The following ROBO2 variants were observed in gnomAD, a reference collection of about 807,000 sequenced individuals.
ROBO2 encodes the protein roundabout homolog 2.
Under a neutral mutation model 160.8 loss-of-function variants are expected in ROBO2, and 53 were observed. The observed-to-expected ratio is 0.33, with a 90% CI of 0.26 to 0.41. The LOEUF (loss-of-function observed/expected upper bound fraction) is 0.41. Among genes scored for constraint, ROBO2 ranks in the 10% least tolerant of loss-of-function variants. The pLI, the probability that ROBO2 is intolerant of heterozygous loss-of-function variation, is 1.00. For missense variants in ROBO2, 1,577 were observed against 1,722.4 expected (o/e 0.92, Z 1.49); for synonymous variants, 664 against 611.7 (o/e 1.09, Z -1.26).
intron 2 of ROBO2, among the ~76,000 whole-genome samples, chr3:76,124,397 T>G (rs2108304004): frequency 6.6e-6 from 1 of 152,204 alleles, no homozygotes; most frequent in African/African-American, 2.4e-5. Flanking sequence ...TAAAGTTTCC[T>G]TTTAGGAACA....
At chr3:76,893,331 C>A (rs1559663318) in intron 2 of ROBO2, among the ~76,000 whole-genome samples, 1 of 151,848 alleles carries the variant, frequency 6.6e-6, no homozygotes, top group Admixed American at 6.6e-5. Context: ...CACACACACG[C>A]ACTACACTGT....
intron 2 of ROBO2, among the ~76,000 whole-genome samples, chr3:76,469,685 T>A (rs2078550403): frequency 6.6e-6 from 1 of 152,134 alleles, no homozygotes; most frequent in South Asian, 2.1e-4. Flanking sequence ...TTCAGTTAAC[T>A]ACTCATCACC....
intron 2 of ROBO2, among the ~76,000 whole-genome samples, chr3:76,764,204 A>G (rs115133879): frequency 0.011 from 1,666 of 151,776 alleles, 29 homozygotes; most frequent in African/African-American, 0.037. Context: ...ATGTAAATGC[A>G]AATACTGAAC....
chr3:76,263,245 T>G lies in ROBO2; in HGVS notation c.109+325643T>G, dbSNP rs184861623. On this transcript the variant is annotated intron_variant, in intron 2 of 26. Transcript: ENST00000487694. ...ATCATGGTACAATAGTCCTTTTTTTTGGGGAAGGGTCTTGCTCTGTCACTC... is the reference window on the plus strand; with the variant it reads ...ATCATGGTACAATAGTCCTTTTTTTGGGGGAAGGGTCTTGCTCTGTCACTC... Among the ~76,000 whole-genome samples, 728 of 152,174 alleles carry G rather than the reference T, an allele frequency of 4.8e-3. 2 individuals carry two copies. The highest frequency in any genetic ancestry group is 0.014 in the Middle Eastern group (4 of 294).
chr3:77,395,629 A>T (rs953795130), intron 2 of ROBO2, among the ~76,000 whole-genome samples: 2 of 152,164 alleles, frequency 1.3e-5, no homozygotes, highest in Non-Finnish European at 2.9e-5. Flanking sequence ...TAGACTCTTC[A>T]TATAAAATTG....
intron 1 of ROBO2, among the ~76,000 whole-genome samples, chr3:77,059,929 A>ACCAGGGGGGT (rs1559924356): frequency 1.3e-5 from 2 of 152,020 alleles, no homozygotes; most frequent in African/African-American, 4.8e-5. Context: ...TTCAGAGTAT[A>ACCAGGGGGGT]TACTACACCA....
At chr3:77,381,502 A>G (rs976762057) in intron 2 of ROBO2, among the ~76,000 whole-genome samples, 3 of 152,222 alleles carry the variant, frequency 2.0e-5, no homozygotes, top group Non-Finnish European at 2.9e-5. Context: ...GAAAATGTGC[A>G]TGAAGGACCT....
At chr3:76,965,354 TC>T (rs2149255724) in intron 2 of ROBO2, among the ~76,000 whole-genome samples, 1 of 152,320 alleles carries the variant, frequency 6.6e-6, no homozygotes, top group South Asian at 2.1e-4. Context: ...AAAGCTACAC[TC>T]AGGAAATTGG....
intron 2 of ROBO2, among the ~76,000 whole-genome samples, chr3:76,212,606 T>C (rs1703216204): frequency 3.3e-5 from 5 of 152,164 alleles, no homozygotes; most frequent in Admixed American, 3.3e-4. Context: ...GTGTCATTTA[T>C]TATGCAATAA....
At chr3:77,272,093 G>A (rs755207773) in intron 2 of ROBO2, among the ~76,000 whole-genome samples, 7 of 152,194 alleles carry the variant, frequency 4.6e-5, no homozygotes, top group South Asian at 2.1e-4. Context: ...TTCTTTCCCC[G>A]TCAACCTTCT....
chr3:77,365,294 G>A (rs186915479), intron 2 of ROBO2, among the ~76,000 whole-genome samples: 1 of 152,232 alleles, frequency 6.6e-6, no homozygotes, highest in African/African-American at 2.4e-5. Flanking sequence ...CACTGAAGGA[G>A]GGTTTATGGC....
intron 2 of ROBO2, among the ~76,000 whole-genome samples, chr3:76,949,415 A>G (rs1238349558): frequency 6.6e-6 from 1 of 152,190 alleles, no homozygotes; most frequent in Non-Finnish European, 1.5e-5. Context: ...AAGCAGGAAA[A>G]GTAAATTTGA....
intron 2 of ROBO2, among the ~76,000 whole-genome samples, chr3:76,413,170 A>AGCACAGGAGCCCTGG (rs1360909668): frequency 1.1e-4 from 16 of 152,166 alleles, no homozygotes; most frequent in African/African-American, 3.9e-4. Context: ...GGCTGCACAC[A>AGCACAGGAGCCCTGG]GCACAGGAGC....
chr3:76,877,646 G>A (rs2072894724), intron 2 of ROBO2, among the ~76,000 whole-genome samples: 1 of 152,154 alleles, frequency 6.6e-6, no homozygotes, highest in Non-Finnish European at 1.5e-5. Context: ...CATATAACCT[G>A]CTGTCTTATA....
intron 5 of ROBO2, among the ~76,000 whole-genome samples, chr3:77,514,304 T>C (rs2089757358): frequency 6.6e-6 from 1 of 151,820 alleles, no homozygotes; most frequent in African/African-American, 2.4e-5. Flanking sequence ...AAAGGAAATA[T>C]ACATCAGGAA....
At chr3:77,028,522 C>T in intron 2 of ROBO2, among the ~76,000 whole-genome samples, 1 of 151,998 alleles carries the variant, frequency 6.6e-6, no homozygotes, top group East Asian at 1.9e-4. Flanking sequence ...TCAAGACCGG[C>T]CTGACCAACA....
intron 2 of ROBO2, among the ~76,000 whole-genome samples, chr3:76,783,002 T>C (rs1426347413): frequency 2.0e-5 from 3 of 150,796 alleles, no homozygotes; most frequent in Admixed American, 2.0e-4. Context: ...AAATTTTTAC[T>C]TGTGTGCTTT....
intron 2 of ROBO2, among the ~76,000 whole-genome samples, chr3:76,527,556 A>G (rs1196493600): frequency 6.6e-6 from 1 of 152,136 alleles, no homozygotes; most frequent in Non-Finnish European, 1.5e-5. Context: ...GGCTTGATTA[A>G]CTCATTATAT....
At chr3:76,740,350 C>T (rs2093782123) in intron 2 of ROBO2, among the ~76,000 whole-genome samples, 1 of 152,106 alleles carries the variant, frequency 6.6e-6, no homozygotes, top group Admixed American at 6.6e-5. Context: ...TGCTATGTTG[C>T]GTTATACTGT....
Sources: allele counts gnomAD v4.1 joint callset (sites outside exome capture counted in the v4.1 genomes callset), GRCh38; gene constraint gnomAD v4.1.1; transcripts MANE v1.5; gene names NCBI Gene and HGNC (gene_info 2026-07-23, HGNC 2026-07-21).